ABL2: variants seen among roughly 807,000 people sequenced by gnomAD.
ABL2 encodes the protein tyrosine-protein kinase ABL2.
A neutral mutation model predicts 107.7 loss-of-function variants in ABL2; 49 were observed. The ratio of observed to expected loss-of-function variants is 0.45; its 90% CI spans 0.36 to 0.58. The LOEUF is 0.58. Ranked by LOEUF, ABL2 falls within the 20% of genes least tolerant of loss-of-function variation. The pLI is 0.00. For missense variants in ABL2, 1,245 were observed against 1,457.0 expected (o/e 0.85, Z 2.37); for synonymous variants, 549 against 548.6 (o/e 1.00, Z -0.01).
chr1:179,120,133 G>C, intron 6 of ABL2, 57 bp downstream of exon 6: 1 of 1,091,178 alleles, frequency 9.2e-7, no homozygotes, highest in Non-Finnish European at 1.3e-6. Context: ...GAGATAACAA[G>C]GGGTTAAAGG....
chr1:179,140,628 T>C (rs978167229), intron 1 of ABL2, among the ~76,000 whole-genome samples: 20 of 152,208 alleles, frequency 1.3e-4, no homozygotes, highest in African/African-American at 4.6e-4. Context: ...GCTGAATGAA[T>C]GAACTATGTA....
At chr1:179,196,185 C>G (rs1255908753) in intron 1 of ABL2, among the ~76,000 whole-genome samples, 2 of 152,198 alleles carry the variant, frequency 1.3e-5, no homozygotes, top group Non-Finnish European at 2.9e-5. Context: ...TATGTTAATT[C>G]TTTCTGCACA....
At position 179,107,165 on chromosome 1, in the gene ABL2, T is replaced by C. The variant is rs1653523605; in HGVS notation, c.*553A>G. The C allele has an allele frequency of 4.3e-6, 1 of 232,732 alleles. No homozygotes were observed. Among genetic ancestry groups the C allele is most frequent in the South Asian group, 1.8e-4 (1 of 5,562 alleles). The allele number at this position is 232,732 out of a possible 1,614,324, so 14.4% of individuals were successfully genotyped here. A position where few individuals can be genotyped will look rare whatever the true frequency, so the allele number is the denominator to read the frequency against. Reference sequence around the variant, plus strand: ...TAGGGCCATATTTCCCAGTTTTATGTTGTAGCACTCTGATTTGCAGTTCTT... The same window carrying C: ...TAGGGCCATATTTCCCAGTTTTATGCTGTAGCACTCTGATTTGCAGTTCTT... On this transcript the variant is annotated 3_prime_UTR_variant, in exon 12 of 12. Coordinates refer to ENST00000502732, the MANE Select transcript of ABL2 (RefSeq NM_007314.4).
intron 1 of ABL2, among the ~76,000 whole-genome samples, chr1:179,174,260 C>T (rs1659896045): frequency 6.6e-6 from 1 of 151,364 alleles, no homozygotes; most frequent in South Asian, 2.1e-4. Flanking sequence ...TGCACTCCAG[C>T]CTGGGCGAAA....
At position 179,101,814 on chromosome 1, in the gene ABL2, G is replaced by T; in HGVS notation, c.*5904C>A. On this transcript the variant is annotated 3_prime_UTR_variant, in exon 12 of 12. Coordinates refer to ENST00000502732, the MANE Select transcript of ABL2 (RefSeq NM_007314.4). Reference sequence around the variant, plus strand: ...GAGTCATGGGGGTGAGTGCTCCAGAGTAGGCTGTAGCTTGTCCCACAGCCC... The same window carrying T: ...GAGTCATGGGGGTGAGTGCTCCAGATTAGGCTGTAGCTTGTCCCACAGCCC... The T allele has an allele frequency of 5.3e-6, 1 of 189,750 alleles. No homozygotes were observed. The highest frequency in any genetic ancestry group is 1.1e-5 in the Non-Finnish European group (1 of 90,268). The allele number at this position is 189,750 out of a possible 1,614,324, so 11.8% of individuals were successfully genotyped here. A position where few individuals can be genotyped will look rare whatever the true frequency, so the allele number is the denominator to read the frequency against.
intron 1 of ABL2, among the ~76,000 whole-genome samples, chr1:179,139,572 A>G (rs1304331878): frequency 6.6e-6 from 1 of 152,158 alleles, no homozygotes; most frequent in Non-Finnish European, 1.5e-5. Context: ...CAGAAATTCC[A>G]TTGGCACTGC....
rs1329448106 is a variant in ABL2, at chr1:179,109,112, C to CATAG, written c.2151_2154dup (p.Gly719LeufsTer12). 1 of 1,613,242 alleles carries CATAG rather than the reference C, an allele frequency of 6.2e-7. No homozygotes were observed. On this transcript the variant is annotated frameshift_variant, in exon 12 of 12. Transcript: ENST00000502732. LOFTEE classifies it high-confidence loss of function. ...AGGTTCCTCTGTGCAAAGCTCCCCC[C>CATAG]ATAGCACTTGGGTGGCACCAGATTC...
Position 179,107,438 on chromosome 1 carries a change from C to T in ABL2, c.*280G>A. On this transcript the variant is annotated 3_prime_UTR_variant, in exon 12 of 12. Coordinates refer to ENST00000502732, the MANE Select transcript of ABL2 (RefSeq NM_007314.4). ...TCCAGGTAGGGATGGGCTGCATTGCCTTCCTTATGACATACACATGTTCCC... is the reference window on the plus strand; with the variant it reads ...TCCAGGTAGGGATGGGCTGCATTGCTTTCCTTATGACATACACATGTTCCC... 2.4e-6 allele frequency: 1 copy of T among 424,020 alleles called. No individual in the cohort carries two copies. The highest frequency in any genetic ancestry group is 4.0e-6 in the Non-Finnish European group (1 of 248,672). 26.3% of individuals were successfully genotyped at this position (424,020 alleles called of 1,614,324 possible).
intron 1 of ABL2, among the ~76,000 whole-genome samples, chr1:179,169,839 TG>T (rs1659616080): frequency 6.6e-6 from 1 of 151,954 alleles, no homozygotes. Context: ...AAGACCAGCC[TG>T]AACAACAAAA....
intron 1 of ABL2, among the ~76,000 whole-genome samples, chr1:179,145,264 C>G (rs1657903383): frequency 6.6e-6 from 1 of 152,056 alleles, no homozygotes; most frequent in African/African-American, 2.4e-5. Flanking sequence ...TATATTTAAT[C>G]CTACTAAACT....
At chr1:179,191,198 C>G (rs1403121067) in intron 1 of ABL2, among the ~76,000 whole-genome samples, 1 of 152,088 alleles carries the variant, frequency 6.6e-6, no homozygotes, top group Non-Finnish European at 1.5e-5. Context: ...AATGGTCTTC[C>G]CAGTACTTTA....
At chr1:179,112,491 C>T in intron 9 of ABL2, 93 bp from the exon 10 acceptor site, 1 of 902,702 alleles carries the variant, frequency 1.1e-6, no homozygotes, top group Non-Finnish European at 1.7e-6. Flanking sequence ...TCATGATGCA[C>T]ACTTATTAAA....
At chr1:179,130,726 T>TGTG (rs1656220415) in intron 3 of ABL2, among the ~76,000 whole-genome samples, 1 of 142,722 alleles carries the variant, frequency 7.0e-6, no homozygotes, top group Non-Finnish European at 1.5e-5. Context: ...ATTATTGATT[T>TGTG]TGTGTGTGTG....
chr1:179,110,816 T>C (rs746231271), intron 10 of ABL2: 43 of 1,613,992 alleles, frequency 2.7e-5, no homozygotes, highest in Non-Finnish European at 3.3e-5. Flanking sequence ...CACAATGTTA[T>C]GCACGTCTGA....
At position 179,102,566 on chromosome 1, in the gene ABL2, T is replaced by C; in HGVS notation, c.*5152A>G. On this transcript the variant is annotated 3_prime_UTR_variant, in exon 12 of 12. Transcript: ENST00000502732. The stretch of plus-strand genomic sequence containing the variant: ...AAAGAGGATTGGTCATAGCAGATCC[T>C]TAGGGCACAGAGATGAACCCCAAAT... 1 of 227,712 alleles carries C rather than the reference T, an allele frequency of 4.4e-6. No homozygotes were observed. The highest frequency in any genetic ancestry group is 8.7e-6 in the Non-Finnish European group (1 of 114,562). The allele number at this position is 227,712 out of a possible 1,614,324, so 14.1% of individuals were successfully genotyped here.
intron 1 of ABL2, among the ~76,000 whole-genome samples, chr1:179,173,928 A>G (rs574691839): frequency 1.4e-4 from 20 of 145,124 alleles, no homozygotes; most frequent in Admixed American, 1.2e-3. Context: ...TTTTAAAGGA[A>G]TAATTACAAT....
chr1:179,205,290 G>T (rs1021207743), intron 1 of ABL2, among the ~76,000 whole-genome samples: 5 of 152,142 alleles, frequency 3.3e-5, no homozygotes, highest in Admixed American at 1.3e-4. Context: ...CTCCCAAAGT[G>T]CTGGGATTAC....
At chr1:179,143,006 A>AT in intron 1 of ABL2, 1 of 1,614,250 alleles carries the variant, frequency 6.2e-7, no homozygotes, top group South Asian at 1.1e-5. Flanking sequence ...GATCTCTGCC[A>AT]TAACTATTAG....
At chr1:179,202,092 T>TA (rs34598446) in intron 1 of ABL2, among the ~76,000 whole-genome samples, 150 of 148,478 alleles carry the variant, frequency 1.0e-3, no homozygotes, top group African/African-American at 2.3e-3. Flanking sequence ...TTAAAGATAG[T>TA]AAAAAAAAAA....
Sources: gnomAD v4.1 joint callset for allele counts (sites outside exome capture counted in the v4.1 genomes callset) on GRCh38, gnomAD v4.1.1 for gene constraint, MANE v1.5 for transcripts, NCBI Gene and HGNC (gene_info 2026-07-23, HGNC 2026-07-21) for gene names.